HP1BP3: variants seen among roughly 807,000 people sequenced by gnomAD.
The protein encoded by HP1BP3 is heterochromatin protein 1-binding protein 3.
A neutral mutation model predicts 62.5 loss-of-function variants in HP1BP3; 12 were observed. The observed-to-expected ratio is 0.19, with a 90% CI of 0.12 to 0.31. The LOEUF is 0.31. Ranked by LOEUF, HP1BP3 falls within the 10% of genes least tolerant of loss-of-function variation. The pLI is 1.00. For missense variants in HP1BP3, 502 were observed against 651.8 expected (o/e 0.77, Z 2.50); for synonymous variants, 260 against 237.8 (o/e 1.09, Z -0.86).
At chr1:20,754,611 C>A (rs1055125115) in intron 9 of HP1BP3, among the ~76,000 whole-genome samples, 1 of 152,004 alleles carries the variant, frequency 6.6e-6, no homozygotes, top group African/African-American at 2.4e-5. Flanking sequence ...TAAGACAGTG[C>A]AGTATTAGCA....
Position 20,745,619 on chromosome 1 carries a change from A to C in HP1BP3, c.1291T>G (p.Ser431Ala). The C allele has an allele frequency of 6.2e-7, 1 of 1,614,000 alleles. No individual in the cohort carries two copies. Among genetic ancestry groups the C allele is most frequent in the East Asian group, 2.2e-5 (1 of 44,868 alleles). ...TCTTCATCTTCATCCTCATCTCTAGAATCATCTGGCTCTTTCTTCGGAAAC... is the reference window on the plus strand; with the variant it reads ...TCTTCATCTTCATCCTCATCTCTAGCATCATCTGGCTCTTTCTTCGGAAAC... ...VLFPKKEPDD[S>A]RDEDEDEDES... Residue 431 changes from serine (S) to alanine (A), a missense_variant, in exon 12 of 13, where the codon TCT becomes GCT. By Grantham distance (99) the Ser-to-Ala change is moderately conservative. This residue lies in a region of HP1BP3 where 194 missense variants were observed against 207.0 expected (regional missense o/e 0.94). Coordinates refer to ENST00000438032, the MANE Select transcript of HP1BP3 (RefSeq NM_001372052.1).
chr1:20,779,806 C>T lies in HP1BP3; in HGVS notation c.196+6G>A. The T allele has an allele frequency of 6.3e-7, 1 of 1,597,984 alleles. No individual in the cohort carries two copies. Among genetic ancestry groups the T allele is most frequent in the East Asian group, 2.2e-5 (1 of 44,448 alleles). On this transcript the variant is annotated splice_donor_region_variant and intron_variant, in intron 3 of 12. Coordinates refer to ENST00000438032, the MANE Select transcript of HP1BP3 (RefSeq NM_001372052.1). Reference sequence around the variant, plus strand: ...TGTTTTAAGCTGTGTCACCATTTTACTTTACCTGGCTTTTCTTCCTCCCCT... The same window carrying T: ...TGTTTTAAGCTGTGTCACCATTTTATTTTACCTGGCTTTTCTTCCTCCCCT...
At position 20,741,509 on chromosome 1, in the gene HP1BP3, A is replaced by T. The variant is rs1402179819; in HGVS notation, c.*3288T>A. On this transcript the variant is annotated 3_prime_UTR_variant, in exon 13 of 13. Coordinates refer to ENST00000438032, the MANE Select transcript of HP1BP3 (RefSeq NM_001372052.1). ...TATACCCAAAAGACATGATTAAAAC[A>T]TACACCTGTTTCCTAAGATTTATAC... Among the ~76,000 whole-genome samples, 1 of 152,236 alleles carries T rather than the reference A, an allele frequency of 6.6e-6. No homozygotes were observed. Among genetic ancestry groups the T allele is most frequent in the Non-Finnish European group, 1.5e-5 (1 of 68,042 alleles).
chr1:20,764,085 AAC>A (rs2056634905), intron 8 of HP1BP3, among the ~76,000 whole-genome samples: 1 of 152,220 alleles, frequency 6.6e-6, no homozygotes, highest in African/African-American at 2.4e-5. Flanking sequence ...TCTTCTTCCC[AAC>A]ACATATAATT....
intron 8 of HP1BP3, 123 bp downstream of exon 8, chr1:20,765,254 A>C (rs975914824): frequency 6.0e-5 from 35 of 582,948 alleles, no homozygotes; most frequent in Non-Finnish European, 9.3e-5. Context: ...AAAACCAATA[A>C]AAAAGATTTA....
At chr1:20,769,816 T>A (rs994502162) in intron 6 of HP1BP3, among the ~76,000 whole-genome samples, 3 of 152,204 alleles carry the variant, frequency 2.0e-5, no homozygotes, top group Non-Finnish European at 4.4e-5. Context: ...TCCAGGCAAC[T>A]GGCACATAGG....
chr1:20,776,853 A>G (rs1166369827), intron 3 of HP1BP3, 103 bp from the exon 4 acceptor site: 2 of 934,968 alleles, frequency 2.1e-6, no homozygotes, highest in East Asian at 2.8e-5. Context: ...AAAGTCTCCA[A>G]TTAACAAATG....
intron 11 of HP1BP3, among the ~76,000 whole-genome samples, chr1:20,746,485 G>A (rs911132769): frequency 6.6e-6 from 1 of 152,062 alleles, no homozygotes; most frequent in African/African-American, 2.4e-5. Context: ...ATATAAGAAA[G>A]TTACACAATA....
At chr1:20,756,205 G>C (rs1389496953) in intron 9 of HP1BP3, among the ~76,000 whole-genome samples, 3 of 152,128 alleles carry the variant, frequency 2.0e-5, no homozygotes, top group Non-Finnish European at 2.9e-5. Flanking sequence ...TTTTGGTGTA[G>C]TATCAAAGAA....
chr1:20,757,375 T>A (rs28454031), intron 8 of HP1BP3, 119 bp from the exon 9 acceptor site: 8,735 of 227,488 alleles, frequency 0.038, 38 homozygotes, highest in East Asian at 0.079. Flanking sequence ...TATTATTATT[T>A]TTTTTTTTTT....
At chr1:20,745,772 G>T in intron 11 of HP1BP3, 116 bp from the exon 12 acceptor site, 1 of 1,008,174 alleles carries the variant, frequency 9.9e-7, no homozygotes, top group Non-Finnish European at 1.4e-6. Flanking sequence ...TCCCAAAAAT[G>T]TCAAGCTAGG....
intron 4 of HP1BP3, 109 bp downstream of exon 4, chr1:20,776,488 A>G: frequency 1.0e-6 from 1 of 969,584 alleles, no homozygotes; most frequent in Non-Finnish European, 1.5e-6. Context: ...TTAAATCCAA[A>G]TAGCAAATAC....
intron 9 of HP1BP3, among the ~76,000 whole-genome samples, chr1:20,753,234 G>A (rs1055528132): frequency 3.3e-5 from 5 of 152,118 alleles, no homozygotes; most frequent in African/African-American, 7.2e-5. Flanking sequence ...GAGCCACCGC[G>A]CCTGACCTGT....
Position 20,741,052 on chromosome 1 carries a change from A to G in HP1BP3, c.*3745T>C, listed in dbSNP as rs1291964086. Among the ~76,000 whole-genome samples the G allele has an allele frequency of 1.3e-5, 2 of 152,234 alleles. No individual in the cohort carries two copies. Among genetic ancestry groups the G allele is most frequent in the African/African-American group, 2.4e-5 (1 of 41,456 alleles). ...AATGCAAAAGCAAAATCTACATGCT[A>G]GAAAGTAATGTCAACCAGAACCTCT... is the stretch of plus-strand genomic sequence containing the variant. On this transcript the variant is annotated 3_prime_UTR_variant, in exon 13 of 13. Coordinates refer to ENST00000438032, the MANE Select transcript of HP1BP3 (RefSeq NM_001372052.1).
At chr1:20,778,549 T>TG (rs2057400784) in intron 3 of HP1BP3, among the ~76,000 whole-genome samples, 1 of 152,230 alleles carries the variant, frequency 6.6e-6, no homozygotes. Context: ...GACCACCAAG[T>TG]GGCTTATCCC....
At chr1:20,786,886 C>G (rs566435598) in intron 1 of HP1BP3, among the ~76,000 whole-genome samples, 1 of 151,872 alleles carries the variant, frequency 6.6e-6, no homozygotes, top group African/African-American at 2.4e-5. Flanking sequence ...CAGGGTCGCA[C>G]GGCCAGAGAA....
At chr1:20,765,334 AAGT>A in intron 8 of HP1BP3, 40 bp downstream of exon 8, 1 of 1,385,096 alleles carries the variant, frequency 7.2e-7, no homozygotes, top group South Asian at 1.4e-5. Flanking sequence ...GAGCTAAAGG[AAGT>A]AACACATCAT....
intron 5 of HP1BP3, 32 bp downstream of exon 5, chr1:20,773,419 T>C: frequency 6.4e-7 from 1 of 1,567,148 alleles, no homozygotes; most frequent in Admixed American, 1.8e-5. Flanking sequence ...ACATAATAAA[T>C]CTAAGATGAA....
intron 10 of HP1BP3, among the ~76,000 whole-genome samples, chr1:20,748,112 C>T (rs981942483): frequency 6.6e-6 from 1 of 151,666 alleles, no homozygotes; most frequent in African/African-American, 2.4e-5. Flanking sequence ...GTGACTTGAG[C>T]TCAAAGTAGT....
Sources: allele counts gnomAD v4.1 joint callset (sites outside exome capture counted in the v4.1 genomes callset), GRCh38; gene constraint gnomAD v4.1.1; regional missense constraint gnomAD v4.1.1; transcripts MANE v1.5; gene names NCBI Gene and HGNC (gene_info 2026-07-23, HGNC 2026-07-21).